The following CA1 variants were observed in gnomAD, a reference collection of about 807,000 sequenced individuals.
The protein encoded by CA1 is carbonate dehydratase I.
CA1 carries 27 observed loss-of-function variants against 28.8 expected under a neutral mutation model. The observed-to-expected ratio is 0.94, with a 90% CI of 0.69 to 1.29. The LOEUF is 1.29. Ranked by LOEUF, CA1 falls within the 50% of genes most tolerant of loss-of-function variation. The pLI is 0.00. For missense variants in CA1, 335 were observed against 310.5 expected (o/e 1.08, Z -0.59); for synonymous variants, 121 against 108.8 (o/e 1.11, Z -0.70).
intron 1 of CA1, among the ~76,000 whole-genome samples, chr8:85,344,223 TATACAGTATATA>T (rs1231573658): frequency 1.0e-4 from 6 of 59,016 alleles, no homozygotes; most frequent in African/African-American, 6.7e-4. Flanking sequence ...AATTATATTA[TATACAGTATATA>T]ATATATAATT....
chr8:85,345,150 C>A (rs1325951571), intron 1 of CA1, among the ~76,000 whole-genome samples: 1 of 152,188 alleles, frequency 6.6e-6, no homozygotes, highest in Non-Finnish European at 1.5e-5. Flanking sequence ...GTTGGGCTTT[C>A]TCATCACCTG....
At chr8:85,348,270 A>T (rs1305774533) in intron 1 of CA1, among the ~76,000 whole-genome samples, 1 of 152,144 alleles carries the variant, frequency 6.6e-6, no homozygotes, top group East Asian at 1.9e-4. Context: ...ATTTTTTGTG[A>T]TACCCTTTTA....
chr8:85,332,140 A>AT (rs1808432608), intron 6 of CA1, among the ~76,000 whole-genome samples: 1 of 152,132 alleles, frequency 6.6e-6, no homozygotes, highest in Non-Finnish European at 1.5e-5. Flanking sequence ...TTACTTCTGA[A>AT]TTTTTCTACT....
At chr8:85,359,306 A>G (rs1224757823) in intron 1 of CA1, among the ~76,000 whole-genome samples, 1 of 152,202 alleles carries the variant, frequency 6.6e-6, no homozygotes. Context: ...GAAGAACATG[A>G]GCAGACTTGT....
intron 1 of CA1, among the ~76,000 whole-genome samples, chr8:85,370,013 C>T (rs1432624346): frequency 6.6e-6 from 1 of 152,110 alleles, no homozygotes; most frequent in East Asian, 1.9e-4. Context: ...AATAACATGA[C>T]ACCAAACCTT....
chr8:85,356,639 C>T (rs543594573), intron 1 of CA1, among the ~76,000 whole-genome samples: 11 of 152,208 alleles, frequency 7.2e-5, no homozygotes, highest in East Asian at 1.9e-4. Flanking sequence ...TGAATACCAA[C>T]GCTTCTGAAA....
chr8:85,359,656 A>G (rs1416683166), intron 1 of CA1, among the ~76,000 whole-genome samples: 2 of 152,190 alleles, frequency 1.3e-5, no homozygotes, highest in African/African-American at 2.4e-5. Flanking sequence ...CAAAAGACCA[A>G]TTTCATAAAC....
chr8:85,378,088 G>A lies in CA1; in HGVS notation c.-67C>T, dbSNP rs1322876096. The A allele has an allele frequency of 6.6e-6, 1 of 152,196 alleles. No individual in the cohort carries two copies. The highest frequency in any genetic ancestry group is 1.5e-5 in the Non-Finnish European group (1 of 68,052). The allele number at this position is 152,196 out of a possible 1,614,324, so 9.4% of individuals were successfully genotyped here. On this transcript the variant is annotated 5_prime_UTR_variant, in exon 1 of 8. Transcript: ENST00000523022. ...GGCTGCCACAGAGGACCACGCAGGG[G>A]GTTGCACCTGAGGACTGGGTACCAC...
Position 85,337,081 on chromosome 8 carries a change from CG to C in CA1, c.236-19del. ...TTTCAGCACTGGAAGAAAAGGGAAC[CG>C]ATTGTTAGCCTGATGCTCCACAAAC... On this transcript the variant is annotated intron_variant, in intron 3 of 7. Coordinates refer to ENST00000523022, the MANE Select transcript of CA1 (RefSeq NM_001128831.4). 1 of 1,354,032 alleles carries C rather than the reference CG, an allele frequency of 7.4e-7. No homozygotes were observed. Among genetic ancestry groups the C allele is most frequent in the Non-Finnish European group, 1.1e-6 (1 of 942,806 alleles). The allele number at this position is 1,354,032 out of a possible 1,614,324, so 83.9% of individuals were successfully genotyped here.
chr8:85,341,767 G>C (rs1808943965), intron 1 of CA1, 108 bp from the exon 2 acceptor site: 1 of 679,200 alleles, frequency 1.5e-6, no homozygotes, highest in Non-Finnish European at 2.7e-6. Context: ...CTTTTAATAG[G>C]CCATTATTTC....
chr8:85,334,544 C>T (rs1312897679), intron 4 of CA1, among the ~76,000 whole-genome samples: 3 of 152,034 alleles, frequency 2.0e-5, no homozygotes, highest in African/African-American at 7.2e-5. Flanking sequence ...CAGTTCTATC[C>T]ATATCACTTA....
intron 2 of CA1, among the ~76,000 whole-genome samples, chr8:85,339,258 A>G (rs540162361): frequency 2.6e-5 from 4 of 152,162 alleles, no homozygotes; most frequent in Non-Finnish European, 2.9e-5. Flanking sequence ...TTTCAACAGC[A>G]TGTGTTTATT....
At position 85,350,105 on chromosome 8, in the gene CA1, T is replaced by C. The variant is rs569127210; in HGVS notation, c.-24-8446A>G. Reference sequence around the variant, plus strand: ...ATTTCCTGTTTTACTTTCTAAAAAATTTTTTTTCAAGTTGCTCCAGGCAAA... The same window carrying C: ...ATTTCCTGTTTTACTTTCTAAAAAACTTTTTTTCAAGTTGCTCCAGGCAAA... On this transcript the variant is annotated intron_variant, in intron 1 of 7. Transcript: ENST00000523022. Among the ~76,000 whole-genome samples the C allele has an allele frequency of 1.4e-4, 22 of 152,268 alleles. No individual in the cohort carries two copies. In the South Asian group the frequency reaches 4.6e-3, roughly 32 times the overall value.
At chr8:85,332,130 T>C (rs1196035900) in intron 6 of CA1, among the ~76,000 whole-genome samples, 1 of 152,184 alleles carries the variant, frequency 6.6e-6, no homozygotes, top group Non-Finnish European at 1.5e-5. Flanking sequence ...AGAATGCCCT[T>C]TACTTCTGAA....
chr8:85,361,288 T>C (rs988463877), intron 1 of CA1, among the ~76,000 whole-genome samples: 52 of 152,166 alleles, frequency 3.4e-4, no homozygotes, highest in African/African-American at 1.2e-3. Flanking sequence ...AATCATCAAA[T>C]AATGAGTTCA....
At chr8:85,352,691 T>C (rs1369558096) in intron 1 of CA1, among the ~76,000 whole-genome samples, 1 of 145,824 alleles carries the variant, frequency 6.9e-6, no homozygotes, top group African/African-American at 2.6e-5. Context: ...TTTTGAGACA[T>C]AGTCTCACTC....
Position 85,341,673 on chromosome 8 carries a change from T to A in CA1, c.-24-14A>T. On this transcript the variant is annotated splice_polypyrimidine_tract_variant and intron_variant, in intron 1 of 7. Transcript: ENST00000523022. Reference sequence around the variant, plus strand: ...AGTTTTCTTTTTCTGAAAACAAAAATAATACCTGGAATAACTAACTGCAAC... The same window carrying A: ...AGTTTTCTTTTTCTGAAAACAAAAAAAATACCTGGAATAACTAACTGCAAC... 1.4e-6 allele frequency: 2 copies of A among 1,410,966 alleles called. No individual in the cohort carries two copies. The highest frequency in any genetic ancestry group is 2.0e-6 in the Non-Finnish European group (2 of 995,268). 87.4% of individuals were successfully genotyped at this position (1,410,966 alleles called of 1,614,324 possible). A position where few individuals can be genotyped will look rare whatever the true frequency, so the allele number is the denominator to read the frequency against.
chr8:85,367,324 A>G (rs1810047542), intron 1 of CA1, among the ~76,000 whole-genome samples: 1 of 152,186 alleles, frequency 6.6e-6, no homozygotes, highest in Non-Finnish European at 1.5e-5. Flanking sequence ...AGATGAACAC[A>G]TGGAGAAGTT....
chr8:85,366,966 A>AT (rs1458026806), intron 1 of CA1, among the ~76,000 whole-genome samples: 1 of 152,128 alleles, frequency 6.6e-6, no homozygotes, highest in African/African-American at 2.4e-5. Flanking sequence ...TTACATCTGT[A>AT]TTGTTTGATA....
Sources: allele counts gnomAD v4.1 joint callset (sites outside exome capture counted in the v4.1 genomes callset), GRCh38; gene constraint gnomAD v4.1.1; transcripts MANE v1.5; gene names NCBI Gene and HGNC (gene_info 2026-07-23, HGNC 2026-07-21).